Variants in USP40 observed in about 807,000 individuals in gnomAD.
The protein encoded by USP40 is ubiquitin specific peptidase 40.
A neutral mutation model predicts 166.2 loss-of-function variants in USP40; 143 were observed. The ratio of observed to expected loss-of-function variants is 0.86; its 90% CI spans 0.75 to 0.99. The LOEUF (loss-of-function observed/expected upper bound fraction) is 0.99, where lower values mean the gene tolerates loss of function less well. USP40 is among the 50% of genes least tolerant of loss of function. The pLI is 0.00. For missense variants in USP40, 1,444 were observed against 1,479.7 expected (o/e 0.98, Z 0.40); for synonymous variants, 498 against 524.0 (o/e 0.95, Z 0.68).
rs544458748 is a variant in USP40 at position 233,560,757 on chromosome 2, A to G, written c.268-833T>C. 3.6e-5 allele frequency: 15 copies of G among 411,256 alleles called. No homozygotes were observed. The South Asian group carries it at 9.6e-4, about 26-fold the overall frequency. 25.5% of individuals were successfully genotyped at this position (411,256 alleles called of 1,614,324 possible). On this transcript the variant is annotated intron_variant, in intron 3 of 31. Coordinates refer to ENST00000678225, the MANE Select transcript of USP40 (RefSeq NM_001365479.2). ...AAACAAAATAATTAACTCATTACTCAATTTATTTCCAGAGTACCAAATTGA... is the reference window on the plus strand; with the variant it reads ...AAACAAAATAATTAACTCATTACTCGATTTATTTCCAGAGTACCAAATTGA...
At chr2:233,564,770 T>C (rs190601189) in intron 2 of USP40, among the ~76,000 whole-genome samples, 1 of 152,314 alleles carries the variant, frequency 6.6e-6, no homozygotes, top group African/African-American at 2.4e-5. Context: ...ATCAAGCAGA[T>C]TAATATTCCT....
chr2:233,498,526 C>T, intron 23 of USP40, 22 bp downstream of exon 23: 4 of 1,602,004 alleles, frequency 2.5e-6, no homozygotes, highest in Non-Finnish European at 3.4e-6. Flanking sequence ...TACGAAAGTA[C>T]AATGTATAGA....
chr2:233,508,312 T>C (rs986348386), intron 21 of USP40, among the ~76,000 whole-genome samples: 1 of 152,252 alleles, frequency 6.6e-6, no homozygotes, highest in Non-Finnish European at 1.5e-5. Flanking sequence ...AAGAAGTCCA[T>C]ACATTGCAAC....
chr2:233,508,327 T>C (rs1329288490), intron 21 of USP40, among the ~76,000 whole-genome samples: 3 of 152,248 alleles, frequency 2.0e-5, no homozygotes, highest in Admixed American at 6.5e-5. Flanking sequence ...TGCAACTGGT[T>C]GCTATGTCTT....
At chr2:233,560,010 T>C (rs2071432677) in intron 3 of USP40, 86 bp from the exon 4 acceptor site, 1 of 815,992 alleles carries the variant, frequency 1.2e-6, no homozygotes, top group East Asian at 2.9e-5. Flanking sequence ...AGCTTTTTTA[T>C]ATCTCCCAGT....
intron 10 of USP40, among the ~76,000 whole-genome samples, chr2:233,538,946 G>A (rs551283558): frequency 2.6e-5 from 4 of 152,268 alleles, no homozygotes; most frequent in East Asian, 1.9e-4. Flanking sequence ...GGAGGATCAC[G>A]TGGGCCCAGG....
At chr2:233,489,318 G>A in intron 27 of USP40, 47 bp downstream of exon 27, 1 of 1,502,834 alleles carries the variant, frequency 6.7e-7, no homozygotes, top group Non-Finnish European at 9.1e-7. Context: ...ACCAGCCAGT[G>A]CGTCAGCAGC....
At chr2:233,492,331 A>G (rs1361616685) in intron 25 of USP40, among the ~76,000 whole-genome samples, 1 of 152,224 alleles carries the variant, frequency 6.6e-6, no homozygotes, top group Admixed American at 6.5e-5. Flanking sequence ...TGTTCACATA[A>G]TGATGAAATC....
intron 18 of USP40, 130 bp from the exon 19 acceptor site, chr2:233,512,752 T>C: frequency 2.4e-6 from 1 of 423,780 alleles, no homozygotes; most frequent in Non-Finnish European, 4.1e-6. Context: ...TCTATTGTGT[T>C]AATTAGCAGA....
At chr2:233,557,256 T>C (rs1377803579) in intron 4 of USP40, among the ~76,000 whole-genome samples, 1 of 152,230 alleles carries the variant, frequency 6.6e-6, no homozygotes. Flanking sequence ...CTCAATTCCT[T>C]TGACACCCAG....
At position 233,511,739 on chromosome 2, in the gene USP40, C is replaced by T. The variant is rs773675758; in HGVS notation, c.2496G>A (p.Leu832=). The T allele has an allele frequency of 1.9e-6, 3 of 1,612,158 alleles. No individual in the cohort carries two copies. The South Asian group carries it at 3.3e-5, about 18-fold the overall frequency. The change falls in exon 20 of 32, where the codon CTG becomes CTA. Residue 832 remains leucine, a synonymous_variant. Coordinates refer to ENST00000678225, the MANE Select transcript of USP40 (RefSeq NM_001365479.2). ...AELKMGSSLG[L]CLGKAPSSSQ... is the part of the protein sequence containing the mutation. Reference sequence around the variant, plus strand: ...ACGAACTTGGTGCTTTTCCAAGACACAGTCCCAATGAACTTCCCATCTTCA... The same window carrying T: ...ACGAACTTGGTGCTTTTCCAAGACATAGTCCCAATGAACTTCCCATCTTCA...
intron 24 of USP40, among the ~76,000 whole-genome samples, chr2:233,496,548 A>G (rs1020261152): frequency 6.6e-6 from 1 of 152,248 alleles, no homozygotes; most frequent in African/African-American, 2.4e-5. Context: ...AAAAGTAGGA[A>G]ATAAAAATGT....
At chr2:233,513,125 G>A (rs2066945946) in intron 18 of USP40, among the ~76,000 whole-genome samples, 2 of 152,238 alleles carry the variant, frequency 1.3e-5, no homozygotes, top group South Asian at 2.1e-4. Context: ...GCAGGGCTTG[G>A]TTTCTTCTCA....
At chr2:233,530,251 C>T (rs1280442037) in intron 11 of USP40, among the ~76,000 whole-genome samples, 2 of 151,248 alleles carry the variant, frequency 1.3e-5, no homozygotes, top group African/African-American at 4.9e-5. Flanking sequence ...CAAACACACA[C>T]AATTTTAAAA....
intron 6 of USP40, among the ~76,000 whole-genome samples, chr2:233,553,093 A>T (rs2070735048): frequency 6.6e-6 from 1 of 152,238 alleles, no homozygotes; most frequent in Admixed American, 6.5e-5. Context: ...AGAGAAGGTT[A>T]GAGACAGCAC....
In USP40 at chr2:233,555,910, C is replaced by T. The variant is rs538146498; in HGVS notation, c.546+945G>A. ...TGGGCAGATCATGAGGTCAGGAGAT[C>T]GAGACCATCCTGGCTAACATGGTGA... On this transcript the variant is annotated intron_variant, in intron 5 of 31. Transcript: ENST00000678225. Among the ~76,000 whole-genome samples, 30 of 151,828 alleles carry T rather than the reference C, an allele frequency of 2.0e-4. 1 individual carries two copies. The Middle Eastern group carries it at 0.027, about 138-fold the overall frequency.
chr2:233,561,002 C>T (rs1428368991), intron 3 of USP40: 1 of 880,692 alleles, frequency 1.1e-6, no homozygotes, highest in Admixed American at 2.0e-5. Flanking sequence ...AGGCAAATTC[C>T]ATTACCCATA....
At chr2:233,494,962 A>ATATATATATATATT (rs1559224438) in intron 24 of USP40, among the ~76,000 whole-genome samples, 27 of 71,348 alleles carry the variant, frequency 3.8e-4, no homozygotes, top group Non-Finnish European at 6.2e-4. Context: ...ATATTTATAT[A>ATATATATATATATT]TATATATATA....
intron 21 of USP40, among the ~76,000 whole-genome samples, chr2:233,504,252 CAACCAGA>C (rs1333150066): frequency 6.6e-6 from 1 of 151,918 alleles, no homozygotes; most frequent in East Asian, 1.9e-4. Context: ...ATCTACAAAA[CAACCAGA>C]AAACGATTAA....
Sources: gnomAD v4.1 joint callset for allele counts (sites outside exome capture counted in the v4.1 genomes callset) on GRCh38, gnomAD v4.1.1 for gene constraint, MANE v1.5 for transcripts, NCBI Gene and HGNC (gene_info 2026-07-23, HGNC 2026-07-21) for gene names.